Variants in EMCN observed in about 807,000 individuals in gnomAD.
EMCN encodes the protein endomucin.
In EMCN, 37 loss-of-function variants were observed where a neutral mutation model predicts 38.4. The observed-to-expected ratio is 0.96, with a 90% CI of 0.74 to 1.27. The LOEUF is 1.27. Ranked by LOEUF, EMCN falls within the 50% of genes most tolerant of loss-of-function variation. The pLI is 0.00. For missense variants in EMCN, 318 were observed against 302.8 expected (o/e 1.05, Z -0.37); for synonymous variants, 95 against 100.8 (o/e 0.94, Z 0.35).
chr4:100,453,697 A>T (rs1314081459), intron 4 of EMCN, among the ~76,000 whole-genome samples: 3 of 152,156 alleles, frequency 2.0e-5, no homozygotes, highest in African/African-American at 4.8e-5. Flanking sequence ...ATTATAAATC[A>T]TGCTGCTATA....
At chr4:100,458,642 G>C (rs1361170218) in intron 4 of EMCN, among the ~76,000 whole-genome samples, 1 of 151,910 alleles carries the variant, frequency 6.6e-6, no homozygotes, top group Non-Finnish European at 1.5e-5. Flanking sequence ...GTTTGAGAAG[G>C]GGGACCTAAA....
chr4:100,447,501 A>C (rs1319063028), intron 5 of EMCN, 32 bp downstream of exon 5: 2 of 1,511,362 alleles, frequency 1.3e-6, no homozygotes, highest in Middle Eastern at 1.7e-4. Context: ...CCATGAAAAT[A>C]CTAAGAGAGA....
At chr4:100,451,847 G>A (rs1264123044) in intron 4 of EMCN, among the ~76,000 whole-genome samples, 1 of 151,926 alleles carries the variant, frequency 6.6e-6, no homozygotes, top group Non-Finnish European at 1.5e-5. Context: ...GTGTTTTTGT[G>A]TGTGTGTTTA....
chr4:100,432,944 CAT>C (rs1727244245), intron 5 of EMCN, among the ~76,000 whole-genome samples: 1 of 151,990 alleles, frequency 6.6e-6, no homozygotes, highest in African/African-American at 2.4e-5. Flanking sequence ...ACATATCAAT[CAT>C]CTTATATAAT....
At chr4:100,504,989 G>T (rs1578237496) in intron 1 of EMCN, among the ~76,000 whole-genome samples, 2 of 152,276 alleles carry the variant, frequency 1.3e-5, no homozygotes, top group Non-Finnish European at 2.9e-5. Flanking sequence ...TAGCAAAATT[G>T]GTGAAAGTAC....
rs75565035 is a variant in EMCN at position 100,460,145 on chromosome 4, G to A, written c.376+5278C>T. Among the ~76,000 whole-genome samples, 300 of 152,168 alleles carry A rather than the reference G, an allele frequency of 2.0e-3. 2 individuals carry two copies. The highest frequency in any genetic ancestry group is 6.9e-3 in the African/African-American group (286 of 41,504). Reference sequence around the variant, plus strand: ...AACAGGTATGAGGTGATAACTCATAGTGGTTTTAATTTGCATTTCCTTGAT... The same window carrying A: ...AACAGGTATGAGGTGATAACTCATAATGGTTTTAATTTGCATTTCCTTGAT... On this transcript the variant is annotated intron_variant, in intron 4 of 11. Transcript: ENST00000296420.
chr4:100,508,631 T>C (rs1394470592), intron 1 of EMCN, among the ~76,000 whole-genome samples: 1 of 152,204 alleles, frequency 6.6e-6, no homozygotes, highest in Non-Finnish European at 1.5e-5. Context: ...AACTATGTAA[T>C]CAAAGTGCCT....
intron 1 of EMCN, among the ~76,000 whole-genome samples, chr4:100,513,871 A>G (rs528846250): frequency 6.6e-6 from 1 of 152,296 alleles, no homozygotes; most frequent in South Asian, 2.1e-4. Flanking sequence ...TGTGTTCAGA[A>G]CTGTTGCTGA....
At chr4:100,512,254 C>T (rs1016776003) in intron 1 of EMCN, among the ~76,000 whole-genome samples, 1 of 152,140 alleles carries the variant, frequency 6.6e-6, no homozygotes, top group African/African-American at 2.4e-5. Flanking sequence ...GATATGAAAC[C>T]TCTATTCAAG....
At chr4:100,410,002 C>T (rs192265871) in intron 11 of EMCN, among the ~76,000 whole-genome samples, 3 of 152,310 alleles carry the variant, frequency 2.0e-5, no homozygotes, top group Admixed American at 6.5e-5. Flanking sequence ...GGTAGGCAGA[C>T]TGAATTTACA....
intron 4 of EMCN, among the ~76,000 whole-genome samples, chr4:100,459,303 C>CTA (rs1728109816): frequency 3.6e-5 from 1 of 27,878 alleles, no homozygotes; most frequent in African/African-American, 1.0e-4. Context: ...TGTGTGTACA[C>CTA]CATATATATA....
chr4:100,431,657 T>C (rs1457320218), intron 5 of EMCN, among the ~76,000 whole-genome samples: 2 of 152,068 alleles, frequency 1.3e-5, no homozygotes, highest in African/African-American at 4.8e-5. Context: ...CATTACTCCA[T>C]CAGCTGGCCT....
intron 7 of EMCN, among the ~76,000 whole-genome samples, chr4:100,422,757 A>T (rs1157900802): frequency 6.6e-6 from 1 of 151,668 alleles, no homozygotes; most frequent in African/African-American, 2.4e-5. Context: ...ACACTAAACT[A>T]AGAAAAAAAT....
At chr4:100,473,365 G>GGTTTTTTT (rs1728533364) in intron 3 of EMCN, among the ~76,000 whole-genome samples, 22 of 29,876 alleles carry the variant, frequency 7.4e-4, no homozygotes, top group African/African-American at 1.8e-3. Context: ...CCCGTTTCGT[G>GGTTTTTTT]TTTTTTTGTT....
intron 1 of EMCN, among the ~76,000 whole-genome samples, chr4:100,492,086 A>T (rs1729096705): frequency 6.6e-6 from 1 of 152,234 alleles, no homozygotes; most frequent in African/African-American, 2.4e-5. Context: ...GAAAAATATC[A>T]GAGTAATTCT....
intron 5 of EMCN, among the ~76,000 whole-genome samples, chr4:100,438,806 G>A (rs1727426918): frequency 6.6e-6 from 1 of 151,568 alleles, no homozygotes; most frequent in African/African-American, 2.4e-5. Flanking sequence ...AATTGATGTT[G>A]GATTTTGAAA....
intron 8 of EMCN, among the ~76,000 whole-genome samples, chr4:100,420,545 G>A (rs1338895934): frequency 1.3e-5 from 2 of 151,976 alleles, no homozygotes; most frequent in Non-Finnish European, 2.9e-5. Flanking sequence ...CTGAGCCATG[G>A]GAGTTGAAGG....
At chr4:100,484,154 A>G (rs1728881763) in intron 1 of EMCN, among the ~76,000 whole-genome samples, 1 of 152,154 alleles carries the variant, frequency 6.6e-6, no homozygotes, top group Admixed American at 6.6e-5. Flanking sequence ...TAAAAATTCT[A>G]TGATAGATTT....
intron 5 of EMCN, among the ~76,000 whole-genome samples, chr4:100,441,508 A>G (rs747809485): frequency 1.3e-5 from 2 of 152,210 alleles, no homozygotes; most frequent in Non-Finnish European, 2.9e-5. Flanking sequence ...ATCCAAGGTC[A>G]TTATTGATAG....
Sources: allele counts gnomAD v4.1 joint callset (sites outside exome capture counted in the v4.1 genomes callset), GRCh38; gene constraint gnomAD v4.1.1; transcripts MANE v1.5; gene names NCBI Gene and HGNC (gene_info 2026-07-23, HGNC 2026-07-21).